The following BCL2 variants were observed in gnomAD, a reference collection of about 807,000 sequenced individuals.
BCL2 encodes the protein apoptosis regulator Bcl-2.
A neutral mutation model predicts 14.2 loss-of-function variants in BCL2; 1 was observed. The ratio of observed to expected loss-of-function variants is 0.07; its 90% CI spans 0.02 to 0.33. BCL2 has a LOEUF of 0.33. Among genes scored for constraint, BCL2 ranks in the 10% least tolerant of loss-of-function variants. The probability of loss-of-function intolerance (pLI) is 0.99; values close to 1 mark genes in which losing one functional copy is unlikely to be tolerated. For missense variants in BCL2, 247 were observed against 305.9 expected (o/e 0.81, Z 1.44); for synonymous variants, 151 against 137.2 (o/e 1.10, Z -0.70).
At chr18:63,144,169 G>A (rs576644525) in intron 2 of BCL2, among the ~76,000 whole-genome samples, 6 of 152,286 alleles carry the variant, frequency 3.9e-5, no homozygotes, top group Admixed American at 1.3e-4. Context: ...TGGATAGCTC[G>A]TTTTAGCTCT....
chr18:63,171,242 G>GA (rs1165951824), intron 2 of BCL2, among the ~76,000 whole-genome samples: 5 of 151,708 alleles, frequency 3.3e-5, no homozygotes, highest in South Asian at 4.2e-4. Context: ...ATGGATTTAA[G>GA]AAAAAAAACA....
chr18:63,238,123 G>A (rs1362352860), intron 2 of BCL2, among the ~76,000 whole-genome samples: 2 of 152,146 alleles, frequency 1.3e-5, no homozygotes, highest in Non-Finnish European at 2.9e-5. Flanking sequence ...CTTTTACTCC[G>A]TAATGGAGGG....
intron 2 of BCL2, among the ~76,000 whole-genome samples, chr18:63,280,617 C>G (rs1378676408): frequency 3.3e-5 from 5 of 152,138 alleles, no homozygotes; most frequent in Non-Finnish European, 5.9e-5. Context: ...AGATCCAAAT[C>G]AAAACCACAA....
intron 2 of BCL2, among the ~76,000 whole-genome samples, chr18:63,238,260 C>T (rs1910895987): frequency 6.6e-6 from 1 of 152,164 alleles, no homozygotes; most frequent in Non-Finnish European, 1.5e-5. Flanking sequence ...TTGCTAAGGC[C>T]TGTGAACGGC....
At chr18:63,146,476 C>T (rs1914516443) in intron 2 of BCL2, among the ~76,000 whole-genome samples, 1 of 152,242 alleles carries the variant, frequency 6.6e-6, no homozygotes, top group Admixed American at 6.5e-5. Context: ...GGCCTGCGAT[C>T]CACGCTGGAG....
In BCL2 at chr18:63,139,185, C is replaced by T. The variant is rs186499500; in HGVS notation, c.586-10426G>A. Among the ~76,000 whole-genome samples the T allele has an allele frequency of 3.6e-3, 546 of 152,316 alleles. 5 individuals are homozygous for T. The highest frequency in any genetic ancestry group is 0.012 in the Admixed American group (176 of 15,298). On this transcript the variant is annotated intron_variant, in intron 2 of 2. Coordinates refer to ENST00000333681, the MANE Select transcript of BCL2 (RefSeq NM_000633.3). ...CTAGCTATGCAAATACTGCAGGGCA[C>T]CTGTGGGCTCATGTCCCTCCTGCAA... is the stretch of plus-strand genomic sequence containing the variant.
intron 2 of BCL2, among the ~76,000 whole-genome samples, chr18:63,132,994 C>T (rs534741436): frequency 1.3e-5 from 2 of 152,310 alleles, no homozygotes; most frequent in African/African-American, 4.8e-5. Context: ...AGGCTGGCAC[C>T]GGCTCCTCCT....
At chr18:63,277,581 T>TC (rs1447816148) in intron 2 of BCL2, among the ~76,000 whole-genome samples, 5 of 149,704 alleles carry the variant, frequency 3.3e-5, no homozygotes, top group Non-Finnish European at 7.4e-5. Flanking sequence ...GTCCTTTTTT[T>TC]TTTTTTTTTT....
intron 2 of BCL2, among the ~76,000 whole-genome samples, chr18:63,264,515 AGGAGAGGAGAAG>A (rs1035427060): frequency 6.6e-6 from 1 of 152,214 alleles, no homozygotes; most frequent in Admixed American, 6.5e-5. Context: ...AAACAGGCAA[AGGAGAGGAGAAG>A]GGAGCAGCAG....
chr18:63,149,602 C>T lies in BCL2; in HGVS notation c.586-20843G>A, dbSNP rs1384008500. 1.3e-5 allele frequency among the ~76,000 whole-genome samples: 2 copies of T among 152,126 alleles called. No individual in the cohort carries two copies. Among genetic ancestry groups the T allele is most frequent in the Non-Finnish European group, 2.9e-5 (2 of 68,028 alleles). ...TATTCACGTATTTACAGGGAGAGTC[C>T]GAATAATCATGCAGTAACCCAGCCT... is the stretch of plus-strand genomic sequence containing the variant. On this transcript the variant is annotated intron_variant, in intron 2 of 2. Transcript: ENST00000333681. The surrounding 1 kb of genome is among the most constrained non-coding windows in gnomAD (Gnocchi z 4.2).
intron 2 of BCL2, among the ~76,000 whole-genome samples, chr18:63,205,049 T>C (rs1909798794): frequency 6.6e-6 from 1 of 152,138 alleles, no homozygotes; most frequent in African/African-American, 2.4e-5. Flanking sequence ...AATAAACACC[T>C]TTCTAAACTG....
chr18:63,179,225 A>C (rs1460266948), intron 2 of BCL2, among the ~76,000 whole-genome samples: 3 of 152,144 alleles, frequency 2.0e-5, no homozygotes, highest in African/African-American at 7.2e-5. Context: ...ATTTCCTGTG[A>C]GTTGGGAATG....
At chr18:63,275,427 G>A (rs1302349102) in intron 2 of BCL2, among the ~76,000 whole-genome samples, 2 of 151,970 alleles carry the variant, frequency 1.3e-5, no homozygotes, top group East Asian at 1.9e-4. Context: ...TGTCCTCCCC[G>A]GGACCACTAA....
chr18:63,245,511 C>A (rs1242853437), intron 2 of BCL2, among the ~76,000 whole-genome samples: 1 of 152,144 alleles, frequency 6.6e-6, no homozygotes, highest in Non-Finnish European at 1.5e-5. Context: ...CATAAAAGTA[C>A]AGGGAGACAA....
chr18:63,160,270 A>C (rs1242234362), intron 2 of BCL2, among the ~76,000 whole-genome samples: 1 of 152,202 alleles, frequency 6.6e-6, no homozygotes, highest in East Asian at 1.9e-4. Context: ...GCCTGCACAG[A>C]CAAGTCTGCG....
At chr18:63,191,136 G>A (rs984904547) in intron 2 of BCL2, among the ~76,000 whole-genome samples, 31 of 152,148 alleles carry the variant, frequency 2.0e-4, no homozygotes, top group African/African-American at 4.1e-4. Flanking sequence ...ATGTCTTTGC[G>A]ATTGTGAATA....
chr18:63,189,241 C>T (rs1398420252), intron 2 of BCL2, among the ~76,000 whole-genome samples: 1 of 151,432 alleles, frequency 6.6e-6, no homozygotes, highest in Non-Finnish European at 1.5e-5. Context: ...TTTACACTTG[C>T]TTCTCCCAAC....
chr18:63,293,610 G>A (rs1328362437), intron 2 of BCL2, among the ~76,000 whole-genome samples: 1 of 152,178 alleles, frequency 6.6e-6, no homozygotes, highest in African/African-American at 2.4e-5. Context: ...GAAGAGACTG[G>A]GGTGTCCAGA....
intron 2 of BCL2, among the ~76,000 whole-genome samples, chr18:63,167,938 A>G (rs887518199): frequency 1.3e-5 from 2 of 151,376 alleles, no homozygotes; most frequent in African/African-American, 2.4e-5. Flanking sequence ...AAAAAAAAAA[A>G]AATAAATAAA....
Sources: gnomAD v4.1 joint callset for allele counts (sites outside exome capture counted in the v4.1 genomes callset) on GRCh38, gnomAD v4.1.1 for gene constraint, Gnocchi (gnomAD v3.1) non-coding constraint, MANE v1.5 for transcripts, NCBI Gene and HGNC (gene_info 2026-07-23, HGNC 2026-07-21) for gene names.